DNAJC17: variants seen among roughly 807,000 people sequenced by gnomAD.
The protein encoded by DNAJC17 is DnaJ heat shock protein family (Hsp40) member C17, also known as dnaJ homolog subfamily C member 17.
DNAJC17 carries 35 observed loss-of-function variants against 48.1 expected under a neutral mutation model. The ratio of observed to expected loss-of-function variants is 0.73; its 90% confidence interval spans 0.56 to 0.96. The LOEUF (loss-of-function observed/expected upper bound fraction) is 0.96. DNAJC17 is among the 50% of genes least tolerant of loss of function. DNAJC17 has a pLI of 0.00. For synonymous variants in DNAJC17, 117 were observed against 142.7 expected (o/e 0.82, Z 1.28); for missense variants, 355 against 377.1 (o/e 0.94, Z 0.48).
intron 1 of DNAJC17, among the ~76,000 whole-genome samples, chr15:40,796,891 C>A (rs1889950450): frequency 6.6e-6 from 1 of 152,174 alleles, no homozygotes; most frequent in African/African-American, 2.4e-5. Flanking sequence ...AGTAAAGTAG[C>A]TGGGACTACG....
chr15:40,774,519 T>G (rs36041389), intron 8 of DNAJC17, 83 bp from the exon 9 acceptor site: 2 of 1,467,172 alleles, frequency 1.4e-6, no homozygotes, highest in East Asian at 4.5e-5. Context: ...CTGGGCTACC[T>G]TGAGGCCCAT....
intron 1 of DNAJC17, among the ~76,000 whole-genome samples, chr15:40,784,350 T>C (rs755252632): frequency 1.3e-5 from 2 of 152,238 alleles, no homozygotes; most frequent in Non-Finnish European, 2.9e-5. Context: ...AATATTCTTT[T>C]GTGTTTCATA....
In DNAJC17 at chr15:40,779,590, G is replaced by C. The variant is rs748081374; in HGVS notation, c.162C>G (p.His54Gln). 3 of 1,613,980 alleles carry C rather than the reference G, an allele frequency of 1.9e-6. No homozygotes were observed. The highest frequency in any genetic ancestry group is 2.5e-6 in the Non-Finnish European group (3 of 1,180,034). Residue 54 changes from histidine (H) to glutamine (Q), a missense_variant, in exon 3 of 11, where the codon CAC (histidine) becomes CAG (glutamine). Physicochemically the swap from His to Gln is conservative, Grantham distance 24. Transcript: ENST00000220496. ...PDNPRAAELFHQLSQALEVLT... is the reference protein window; with the variant it reads ...PDNPRAAELFQQLSQALEVLT... ...GCACCTCCAAGGCCTGAGAAAGCTG[G>C]TGGAAGAGTTCAGCTAAACATAAGG...
chr15:40,786,778 G>C (rs1455303240), intron 1 of DNAJC17, among the ~76,000 whole-genome samples: 1 of 152,182 alleles, frequency 6.6e-6, no homozygotes, highest in Non-Finnish European at 1.5e-5. Flanking sequence ...TCAGAAGGAC[G>C]AAGATCTCAG....
intron 1 of DNAJC17, among the ~76,000 whole-genome samples, chr15:40,803,439 G>A (rs1217226124): frequency 1.3e-5 from 2 of 152,232 alleles, no homozygotes; most frequent in African/African-American, 4.8e-5. Context: ...TATCCAAAGT[G>A]TAAATGGGAG....
chr15:40,794,959 G>C (rs1889910105), intron 1 of DNAJC17, among the ~76,000 whole-genome samples: 1 of 151,886 alleles, frequency 6.6e-6, no homozygotes, highest in African/African-American at 2.4e-5. Flanking sequence ...CCTCAGGTGA[G>C]CCCCCCGCCT....
At chr15:40,781,383 C>A (rs1339724422) in intron 1 of DNAJC17, among the ~76,000 whole-genome samples, 1 of 151,182 alleles carries the variant, frequency 6.6e-6, no homozygotes, top group Non-Finnish European at 1.5e-5. Flanking sequence ...ACCTGTAGAC[C>A]CAGCTACTTG....
At chr15:40,789,152 C>T (rs576514711) in intron 1 of DNAJC17, among the ~76,000 whole-genome samples, 1 of 152,334 alleles carries the variant, frequency 6.6e-6, no homozygotes, top group Non-Finnish European at 1.5e-5. Context: ...AGGCTGATAG[C>T]CATGGCCCAT....
intron 1 of DNAJC17, among the ~76,000 whole-genome samples, chr15:40,781,021 C>G (rs951215405): frequency 2.0e-5 from 3 of 148,470 alleles, no homozygotes; most frequent in African/African-American, 7.5e-5. Flanking sequence ...ATGACATATT[C>G]CCCTGTAATC....
chr15:40,770,857 A>G lies in DNAJC17; in HGVS notation c.793-2795T>C, dbSNP rs969946655. ...GCGCTCTCTCTGTCGAGTGCCCTCC[A>G]CCAGCACTCAGAGAAGGGCCTTGTG... On this transcript the variant is annotated intron_variant, in intron 10 of 10. Coordinates refer to ENST00000220496, the MANE Select transcript of DNAJC17 (RefSeq NM_018163.3). The surrounding 1 kb of genome is among the most constrained non-coding windows in gnomAD (Gnocchi z 5.0). 3.9e-6 allele frequency: 6 copies of G among 1,551,306 alleles called. No individual in the cohort carries two copies.
rs370547741 is a variant in DNAJC17, at chr15:40,797,299, G to C, written c.78+10070C>G. ...GTGGGACGACTGCTTGGGCCCAGGA[G>C]GTTGAGGCTGCAGTGAGCTGTGATC... On this transcript the variant is annotated intron_variant, in intron 1 of 10. Transcript: ENST00000220496. Among the ~76,000 whole-genome samples, 5 of 152,180 alleles carry C rather than the reference G, an allele frequency of 3.3e-5. No individual in the cohort carries two copies. The East Asian group carries it at 7.7e-4, about 23-fold the overall frequency.
chr15:40,804,296 G>A (rs1157109197), intron 1 of DNAJC17, among the ~76,000 whole-genome samples: 2 of 151,818 alleles, frequency 1.3e-5, no homozygotes, highest in Non-Finnish European at 2.9e-5. Flanking sequence ...ATCCAATTAT[G>A]GGCAGGGCAC....
Position 40,779,299 on chromosome 15 carries a change from G to C in DNAJC17, c.219C>G (p.Asp73Glu), listed in dbSNP as rs1889413597. Residue 73 changes from aspartate (D) to glutamate (E), a missense_variant, in exon 4 of 11, where the codon GAC becomes GAG. Around this residue, in one of 3 missense-constraint regions of DNAJC17, gnomAD observed 199 missense variants for 199.9 expected, o/e 1.00. Coordinates refer to ENST00000220496, the MANE Select transcript of DNAJC17 (RefSeq NM_018163.3). ...LTDAAARAAY[D>E]KVRKAKKQAA... Reference sequence around the variant, plus strand: ...CTTGCTTCTTGGCTTTCCTGACCTTGTCATATGCAGCCTGGCAGGAGAAAG... The same window carrying C: ...CTTGCTTCTTGGCTTTCCTGACCTTCTCATATGCAGCCTGGCAGGAGAAAG... 1.9e-6 allele frequency: 3 copies of C among 1,613,926 alleles called. No individual in the cohort carries two copies. In the South Asian group the frequency reaches 3.3e-5, roughly 18 times the overall value.
chr15:40,774,294 T>G (rs1247298609), intron 9 of DNAJC17, 62 bp downstream of exon 9: 1 of 1,578,692 alleles, frequency 6.3e-7, no homozygotes, highest in African/African-American at 1.3e-5. Flanking sequence ...GCCCACAGAA[T>G]TGGGTCCCTG....
At chr15:40,782,149 G>A (rs34161837) in intron 1 of DNAJC17, among the ~76,000 whole-genome samples, 61,390 of 151,878 alleles carry the variant, frequency 0.4, 13,516 homozygotes, top group Middle Eastern at 0.56. Flanking sequence ...ACTGGAGCCC[G>A]GGAGGTTGAA....
In DNAJC17 at chr15:40,768,947, C is replaced by G. The variant is rs370465291; in HGVS notation, c.793-885G>C. ...TGCCCGTAGCAGAGAGCTGTGGGGC[C>G]CTGATCCGCGGTACCCCGCATGGGG... On this transcript the variant is annotated intron_variant, in intron 10 of 10. Transcript: ENST00000220496. Among the ~76,000 whole-genome samples the G allele has an allele frequency of 5.9e-5, 9 of 152,346 alleles. No individual in the cohort carries two copies. In the South Asian group the frequency reaches 1.9e-3, roughly 32 times the overall value.
intron 1 of DNAJC17, among the ~76,000 whole-genome samples, chr15:40,782,132 G>C (rs894815738): frequency 2.0e-4 from 30 of 152,254 alleles, no homozygotes; most frequent in South Asian, 6.2e-4. Context: ...GCTGAGGTGG[G>C]AGGATCACTG....
intron 2 of DNAJC17, 136 bp from the exon 3 acceptor site, chr15:40,779,739 A>G: frequency 8.7e-7 from 1 of 1,143,410 alleles, no homozygotes. Context: ...TGACAGACCA[A>G]CAAGGAGGGG....
intron 10 of DNAJC17, chr15:40,771,120 G>A: frequency 8.9e-7 from 1 of 1,129,712 alleles, no homozygotes; most frequent in South Asian, 1.6e-5. Context: ...ATCGCTGGAG[G>A]GTTCAGGCAG....
Sources: gnomAD v4.1 joint callset for allele counts (sites outside exome capture counted in the v4.1 genomes callset) on GRCh38, gnomAD v4.1.1 for gene constraint, gnomAD v4.1.1 regional missense constraint, Gnocchi (gnomAD v3.1) non-coding constraint, MANE v1.5 for transcripts, NCBI Gene and HGNC (gene_info 2026-07-23, HGNC 2026-07-21) for gene names.